NMNAT2: variants seen among roughly 807,000 people sequenced by gnomAD.
NMNAT2 encodes the protein nicotinamide nucleotide adenylyltransferase 2, also known as nicotinamide/nicotinic acid mononucleotide adenylyltransferase 2.
NMNAT2 carries 11 observed loss-of-function variants against 41.6 expected under a neutral mutation model. The observed-to-expected ratio is 0.26, with a 90% CI of 0.17 to 0.44. NMNAT2 has a LOEUF of 0.44. NMNAT2 is among the 20% of genes least tolerant of loss of function. The pLI is 1.00. For missense variants in NMNAT2, 288 were observed against 407.7 expected, an observed-to-expected ratio of 0.71 and a Z score of 2.53; for synonymous variants, 148 against 151.2, an observed-to-expected ratio of 0.98 and a Z score of 0.16.
intron 1 of NMNAT2, among the ~76,000 whole-genome samples, chr1:183,375,604 C>G (rs1295680549): frequency 6.6e-6 from 1 of 152,236 alleles, no homozygotes; most frequent in African/African-American, 2.4e-5. Flanking sequence ...CTCTGACCAC[C>G]TGCAGCCTCC....
At chr1:183,335,124 C>T (rs1302867071) in intron 1 of NMNAT2, among the ~76,000 whole-genome samples, 1 of 152,190 alleles carries the variant, frequency 6.6e-6, no homozygotes, top group Non-Finnish European at 1.5e-5. Context: ...TGAACTGTTG[C>T]ATTATTCCCG....
At chr1:183,418,088 G>T in intron 1 of NMNAT2, 95 bp downstream of exon 1, 2 of 1,189,712 alleles carry the variant, frequency 1.7e-6, no homozygotes, top group Non-Finnish European at 2.5e-6. Context: ...CTCCGAAGGG[G>T]CACACGCCTT....
intron 1 of NMNAT2, among the ~76,000 whole-genome samples, chr1:183,369,734 ACT>A (rs1427274001): frequency 2.0e-5 from 3 of 150,876 alleles, no homozygotes; most frequent in Non-Finnish European, 3.0e-5. Context: ...TCAAACTGAA[ACT>A]CTGTACCCAT....
At chr1:183,362,883 C>T (rs554328363) in intron 1 of NMNAT2, among the ~76,000 whole-genome samples, 108 of 152,302 alleles carry the variant, frequency 7.1e-4, no homozygotes, top group African/African-American at 2.6e-3. Context: ...TTCCAATCAA[C>T]AATTGTATGA....
intron 1 of NMNAT2, among the ~76,000 whole-genome samples, chr1:183,319,329 A>G (rs1485556268): frequency 6.6e-6 from 1 of 152,272 alleles, no homozygotes; most frequent in African/African-American, 2.4e-5. Context: ...CAGACTTATA[A>G]ACACCAGAGA....
chr1:183,357,525 G>T (rs976905338), intron 1 of NMNAT2, among the ~76,000 whole-genome samples: 1 of 152,052 alleles, frequency 6.6e-6, no homozygotes, highest in Non-Finnish European at 1.5e-5. Flanking sequence ...CACCACGCCC[G>T]GCTGAGAGAT....
chr1:183,284,866 A>C, intron 5 of NMNAT2, 76 bp from the exon 6 acceptor site: 1 of 1,207,360 alleles, frequency 8.3e-7, no homozygotes. Context: ...TCGGCCCGGC[A>C]TTGGGGCCGC....
intron 1 of NMNAT2, among the ~76,000 whole-genome samples, chr1:183,392,392 C>T (rs998259689): frequency 3.9e-5 from 6 of 152,218 alleles, no homozygotes; most frequent in Non-Finnish European, 7.3e-5. Flanking sequence ...AAACCACCAT[C>T]ACCTCTCCTA....
chr1:183,416,098 A>G (rs1649243775), intron 1 of NMNAT2, among the ~76,000 whole-genome samples: 1 of 152,216 alleles, frequency 6.6e-6, no homozygotes, highest in Non-Finnish European at 1.5e-5. Context: ...ATTTCCACAT[A>G]GTCTATCCTT....
chr1:183,339,827 A>G (rs1662756468), intron 1 of NMNAT2, among the ~76,000 whole-genome samples: 1 of 152,092 alleles, frequency 6.6e-6, no homozygotes, highest in African/African-American at 2.4e-5. Context: ...TGAGTGGCCC[A>G]ATGAGAGGTC....
chr1:183,378,806 G>C (rs968332026), intron 1 of NMNAT2, among the ~76,000 whole-genome samples: 6 of 6,076 alleles, frequency 9.9e-4, no homozygotes, highest in Non-Finnish European at 1.3e-3. Context: ...CACTTTGGGA[G>C]GCCATGGCAG....
chr1:183,273,337 C>T (rs1175265478), intron 8 of NMNAT2, among the ~76,000 whole-genome samples: 1 of 152,202 alleles, frequency 6.6e-6, no homozygotes, highest in East Asian at 1.9e-4. Flanking sequence ...AGGGTTTTGG[C>T]CTCATGGTCT....
chr1:183,359,359 T>C (rs1663259835), intron 1 of NMNAT2, among the ~76,000 whole-genome samples: 1 of 151,928 alleles, frequency 6.6e-6, no homozygotes, highest in Non-Finnish European at 1.5e-5. Flanking sequence ...GGAAATCCCC[T>C]CTCTCCCCCA....
chr1:183,273,846 CCTTCCTTCCTTCCTTCCTTCCTTCCTT>C (rs1661053935), intron 8 of NMNAT2, among the ~76,000 whole-genome samples: 23 of 45,346 alleles, frequency 5.1e-4, no homozygotes, highest in African/African-American at 1.2e-3. Flanking sequence ...TCCCTCCCTT[CCTTCCTTCCTTCCTTCCTTCCTTCCTT>C]CCTTCCTTCC....
chr1:183,268,978 G>C (rs1660911607), intron 8 of NMNAT2, among the ~76,000 whole-genome samples: 1 of 152,180 alleles, frequency 6.6e-6, no homozygotes. Flanking sequence ...TTGACCCCAG[G>C]ATGATTGCTT....
In NMNAT2 at chr1:183,260,307, G is replaced by A. The variant is rs200612130; in HGVS notation, c.821+695C>T. ...AGAGATGGAAGCTTCATATGGATGA[G>A]GCCATAGATTCCATCTTTGACTTCA... is the stretch of plus-strand genomic sequence containing the variant. On this transcript the variant is annotated intron_variant, in intron 10 of 10. Transcript: ENST00000287713. 3.3e-5 allele frequency among the ~76,000 whole-genome samples: 5 copies of A among 152,208 alleles called. No homozygotes were observed. The East Asian group carries it at 5.8e-4, about 18-fold the overall frequency.
At chr1:183,347,558 A>G (rs888752121) in intron 1 of NMNAT2, among the ~76,000 whole-genome samples, 14 of 152,318 alleles carry the variant, frequency 9.2e-5, no homozygotes, top group Non-Finnish European at 2.1e-4. Flanking sequence ...AAAGCTTGGG[A>G]AAGTGCCGGA....
chr1:183,296,432 TGAGAC>T (rs1661699021), intron 1 of NMNAT2, among the ~76,000 whole-genome samples: 2 of 152,346 alleles, frequency 1.3e-5, no homozygotes, highest in Admixed American at 1.3e-4. Flanking sequence ...CAGGAATGAA[TGAGAC>T]TTTCTGTTGC....
At chr1:183,358,446 A>C (rs1663242692) in intron 1 of NMNAT2, among the ~76,000 whole-genome samples, 1 of 152,214 alleles carries the variant, frequency 6.6e-6, no homozygotes, top group Non-Finnish European at 1.5e-5. Flanking sequence ...AAAAAACTAG[A>C]ACATCTCAGG....
Sources: allele counts gnomAD v4.1 joint callset (sites outside exome capture counted in the v4.1 genomes callset), GRCh38; gene constraint gnomAD v4.1.1; transcripts MANE v1.5; gene names NCBI Gene and HGNC (gene_info 2026-07-23, HGNC 2026-07-21).